Variants in ACKR4 observed in about 807,000 individuals in gnomAD.
ACKR4 encodes atypical chemokine receptor 4, also known as C-C CKR-11.
In ACKR4, 2 loss-of-function variants were observed where a neutral mutation model predicts 8.5. The ratio of observed to expected loss-of-function variants is 0.23; its 90% CI spans 0.10 to 0.74. The LOEUF (loss-of-function observed/expected upper bound fraction) is 0.74. ACKR4 is among the 30% of genes least tolerant of loss of function. ACKR4 has a pLI of 0.75. For synonymous variants in ACKR4, 67 were observed against 145.0 expected, an observed-to-expected ratio of 0.46 and a Z score of 3.86; for missense variants, 167 against 422.1, an observed-to-expected ratio of 0.40 and a Z score of 5.30.
At chr3:132,600,292 C>G (rs1938510482) in intron 1 of ACKR4, 97 bp from the exon 2 acceptor site, 2 of 1,035,346 alleles carry the variant, frequency 1.9e-6, no homozygotes, top group Non-Finnish European at 2.8e-6. Context: ...CAGCAACAGG[C>G]TATACTCTAG....
At position 132,602,577 on chromosome 3, in the gene ACKR4, A is replaced by G. The variant is rs1938659813; in HGVS notation, c.*1127A>G. 6.6e-6 allele frequency among the ~76,000 whole-genome samples: 1 copy of G among 152,296 alleles called. No homozygotes were observed. Among genetic ancestry groups the G allele is most frequent in the African/African-American group, 2.4e-5 (1 of 41,580 alleles). ...TCTTTTTTAAAAAAATTTGCTGTAA[A>G]TTATTATAATCCATGTAATATGCTC... On this transcript the variant is annotated 3_prime_UTR_variant, in exon 2 of 2. Transcript: ENST00000249887.
Position 132,600,942 on chromosome 3 carries a change from C to T in ACKR4, c.545C>T (p.Ala182Val), listed in dbSNP as rs759831403. ...QLVFYTVNDN[A>V]RCIPIFPRYL... ...GTTTTTTATACAGTAAATGACAATG[C>T]TAGGTGCATTCCCATTTTCCCCCGC... The change falls in exon 2 of 2, where the codon GCT becomes GTT. Residue 182 changes from alanine to valine, a missense_variant. Ala to Val is a moderately conservative substitution (Grantham distance 64). This residue lies in a region of ACKR4 where 149 missense variants were observed against 281.9 expected (regional missense o/e 0.53). Coordinates refer to ENST00000249887, the MANE Select transcript of ACKR4 (RefSeq NM_016557.4). 5.4e-5 allele frequency: 87 copies of T among 1,611,596 alleles called. No homozygotes were observed. The highest frequency in any genetic ancestry group is 6.8e-5 in the Non-Finnish European group (80 of 1,178,724).
In ACKR4 at chr3:132,601,141, T is replaced by C; in HGVS notation, c.744T>C (p.Val248=). The change falls in exon 2 of 2, where the codon GTT becomes GTC. Residue 248 remains valine (V), a synonymous_variant. Transcript: ENST00000249887. ...PLKVLLTVVI[V]FIVTQLPYNI... is the part of the protein sequence containing the mutation. ...AAGTTCTGCTCACAGTCGTTATAGTTTTCATTGTCACTCAACTGCCTTATA... is the reference window on the plus strand; with the variant it reads ...AAGTTCTGCTCACAGTCGTTATAGTCTTCATTGTCACTCAACTGCCTTATA... 1 of 1,613,190 alleles carries C rather than the reference T, an allele frequency of 6.2e-7. No individual in the cohort carries two copies. Among genetic ancestry groups the C allele is most frequent in the East Asian group, 2.2e-5 (1 of 44,838 alleles).
At chr3:132,599,353 A>C (rs1256876350) in intron 1 of ACKR4, among the ~76,000 whole-genome samples, 2 of 152,056 alleles carry the variant, frequency 1.3e-5, no homozygotes. Context: ...TAAAAATAGA[A>C]AAAATTAGCC....
intron 1 of ACKR4, among the ~76,000 whole-genome samples, chr3:132,598,704 G>A (rs1300627600): frequency 1.3e-5 from 2 of 152,202 alleles, no homozygotes; most frequent in African/African-American, 4.8e-5. Flanking sequence ...GAGCAATGAT[G>A]TAGACAGATG....
intron 1 of ACKR4, among the ~76,000 whole-genome samples, chr3:132,599,045 G>A (rs913002814): frequency 2.0e-5 from 3 of 152,186 alleles, no homozygotes; most frequent in African/African-American, 7.2e-5. Flanking sequence ...AGGTGCAGTG[G>A]CTCATGCCTG....
chr3:132,598,051 G>C (rs1369813524), intron 1 of ACKR4, among the ~76,000 whole-genome samples: 1 of 152,024 alleles, frequency 6.6e-6, no homozygotes, highest in Non-Finnish European at 1.5e-5. Context: ...AAAAAAGTTA[G>C]CAAACATAAG....
rs1412023508 is a variant in ACKR4 at position 132,601,841 on chromosome 3, A to G, written c.*391A>G. On this transcript the variant is annotated 3_prime_UTR_variant, in exon 2 of 2. Coordinates refer to ENST00000249887, the MANE Select transcript of ACKR4 (RefSeq NM_016557.4). ...TTCAATTTCCTGGTTTTGACATTATAGTATAATTATGTAAGATGGAACCAT... is the reference window on the plus strand; with the variant it reads ...TTCAATTTCCTGGTTTTGACATTATGGTATAATTATGTAAGATGGAACCAT... The G allele has an allele frequency of 9.6e-6, 3 of 313,960 alleles. No homozygotes were observed. The highest frequency in any genetic ancestry group is 6.7e-5 in the African/African-American group (3 of 44,786). 19.4% of individuals were successfully genotyped at this position (313,960 alleles called of 1,614,324 possible). A position where few individuals can be genotyped will look rare whatever the true frequency, so the allele number is the denominator to read the frequency against.
rs1027091624 is a variant in ACKR4, at chr3:132,600,257, G to A, written c.-9-132G>A. On this transcript the variant is annotated intron_variant, in intron 1 of 1. Coordinates refer to ENST00000249887, the MANE Select transcript of ACKR4 (RefSeq NM_016557.4). ...CTCCCATTAAAGCATTTCAAAGAGT[G>A]CTAGATTCAGGCTCACATATGTTAC... 8.0e-6 allele frequency: 6 copies of A among 747,230 alleles called. No homozygotes were observed. In the African/African-American group the frequency reaches 8.9e-5, roughly 11 times the overall value. The allele number at this position is 747,230 out of a possible 1,614,324, so 46.3% of individuals were successfully genotyped here. A position where few individuals can be genotyped will look rare whatever the true frequency, so the allele number is the denominator to read the frequency against.
chr3:132,598,039 CA>C (rs1301706181), intron 1 of ACKR4, among the ~76,000 whole-genome samples: 1 of 151,872 alleles, frequency 6.6e-6, no homozygotes, highest in South Asian at 2.1e-4. Context: ...TATATTCATT[CA>C]AAAAAAGTTA....
chr3:132,600,474 A>G lies in ACKR4; in HGVS notation c.77A>G (p.Gln26Arg), dbSNP rs1311385528. 3.7e-6 allele frequency: 6 copies of G among 1,613,644 alleles called. No individual in the cohort carries two copies. Among genetic ancestry groups the G allele is most frequent in the Non-Finnish European group, 5.1e-6 (6 of 1,179,780 alleles). ...NEMNGTYDYS[Q>R]YELICIKEDV... is the part of the protein sequence containing the mutation. The stretch of plus-strand genomic sequence containing the variant: ...ATGAATGGCACTTATGACTACAGTC[A>G]ATATGAACTGATCTGTATCAAAGAA... Residue 26 changes from glutamine to arginine, a missense_variant, in exon 2 of 2, where the codon CAA becomes CGA. This residue lies in a region of ACKR4 where 149 missense variants were observed against 281.9 expected (regional missense o/e 0.53). Transcript: ENST00000249887.
chr3:132,600,371 A>T lies in ACKR4; in HGVS notation c.-9-18A>T. On this transcript the variant is annotated intron_variant, in intron 1 of 1. Transcript: ENST00000249887. ...ATATTTAGACAAATATCTATCCTGT[A>T]TTCTCTTTGCCATCTAGATTGGAGC... 1 of 1,541,838 alleles carries T rather than the reference A, an allele frequency of 6.5e-7. No homozygotes were observed. The highest frequency in any genetic ancestry group is 1.3e-5 in the South Asian group (1 of 78,688).
At chr3:132,600,317 A>C in intron 1 of ACKR4, 72 bp from the exon 2 acceptor site, 1 of 1,300,260 alleles carries the variant, frequency 7.7e-7, no homozygotes, top group Non-Finnish European at 1.0e-6. Flanking sequence ...AGAACAAAAC[A>C]GCTTGATAAA....
intron 1 of ACKR4, among the ~76,000 whole-genome samples, chr3:132,599,669 T>C (rs753599697): frequency 3.3e-5 from 5 of 152,030 alleles, no homozygotes; most frequent in East Asian, 3.9e-4. Context: ...TGGGAACTGA[T>C]TGGGAAGCAG....
intron 1 of ACKR4, among the ~76,000 whole-genome samples, chr3:132,599,681 G>A (rs1361642703): frequency 6.6e-6 from 1 of 152,100 alleles, no homozygotes; most frequent in Non-Finnish European, 1.5e-5. Context: ...GGGAAGCAGG[G>A]ATGAAGGTAA....
intron 1 of ACKR4, among the ~76,000 whole-genome samples, chr3:132,599,333 C>T: frequency 6.6e-6 from 1 of 151,856 alleles, no homozygotes; most frequent in Non-Finnish European, 1.5e-5. Context: ...TAGTGAAACC[C>T]CATCTCTACT....
chr3:132,599,070 T>C (rs1050949641), intron 1 of ACKR4, among the ~76,000 whole-genome samples: 1 of 152,188 alleles, frequency 6.6e-6, no homozygotes, highest in Admixed American at 6.5e-5. Context: ...TCCAACTCTT[T>C]GCGAGGCCAA....
chr3:132,601,737 A>G lies in ACKR4; in HGVS notation c.*287A>G, dbSNP rs1938612307. ...AAGAGCTTTGTGGTGATAATTTTGT[A>G]TCTTGGTTGCAGTGGTGCTTATACA... On this transcript the variant is annotated 3_prime_UTR_variant, in exon 2 of 2. Transcript: ENST00000249887. The G allele has an allele frequency of 2.1e-5, 9 of 427,462 alleles. No homozygotes were observed. The Admixed American group carries it at 2.9e-4, about 14-fold the overall frequency. The allele number at this position is 427,462 out of a possible 1,614,324, so 26.5% of individuals were successfully genotyped here.
In ACKR4 at chr3:132,602,582, T is replaced by G. The variant is rs754149111; in HGVS notation, c.*1132T>G. Among the ~76,000 whole-genome samples the G allele has an allele frequency of 1.4e-4, 21 of 152,190 alleles. No homozygotes were observed. Among genetic ancestry groups the G allele is most frequent in the Non-Finnish European group, 5.9e-5 (4 of 68,036 alleles). ...TTTAAAAAAATTTGCTGTAAATTAT[T>G]ATAATCCATGTAATATGCTCCTACT... On this transcript the variant is annotated 3_prime_UTR_variant, in exon 2 of 2. Transcript: ENST00000249887.
Sources: gnomAD v4.1 joint callset for allele counts (sites outside exome capture counted in the v4.1 genomes callset) on GRCh38, gnomAD v4.1.1 for gene constraint, gnomAD v4.1.1 regional missense constraint, MANE v1.5 for transcripts, NCBI Gene and HGNC (gene_info 2026-07-23, HGNC 2026-07-21) for gene names.